The following METTL8 variants were observed in gnomAD, a reference collection of about 807,000 sequenced individuals.
METTL8 encodes the protein methyltransferase 8, tRNA N3-cytidine.
In METTL8, 32 loss-of-function variants were observed where a neutral mutation model predicts 48.7. The observed-to-expected ratio is 0.66, with a 90% CI of 0.50 to 0.88. The LOEUF (loss-of-function observed/expected upper bound fraction) is 0.88, where lower values mean the gene tolerates loss of function less well. METTL8 is among the 40% of genes least tolerant of loss of function. The pLI is 0.00. For missense variants in METTL8, 464 were observed against 474.4 expected (o/e 0.98, Z 0.20); for synonymous variants, 136 against 157.1 (o/e 0.87, Z 1.01).
intron 3 of METTL8, among the ~76,000 whole-genome samples, chr2:171,348,356 C>T (rs1236538018): frequency 2.0e-5 from 3 of 152,154 alleles, no homozygotes; most frequent in Non-Finnish European, 2.9e-5. Flanking sequence ...AACACTGTGA[C>T]TATAGCTCAA....
At chr2:171,335,535 C>T (rs1685995362) in intron 5 of METTL8, among the ~76,000 whole-genome samples, 1 of 152,122 alleles carries the variant, frequency 6.6e-6, no homozygotes, top group African/African-American at 2.4e-5. Context: ...AGCAATTCTC[C>T]TGCCTCAGCC....
At chr2:171,358,604 C>G (rs1684833276) in intron 3 of METTL8, among the ~76,000 whole-genome samples, 1 of 152,076 alleles carries the variant, frequency 6.6e-6, no homozygotes, top group Non-Finnish European at 1.5e-5. Context: ...AACTGGAAAA[C>G]TGTAAGCAGA....
chr2:171,400,701 T>G (rs1689555104), intron 1 of METTL8, among the ~76,000 whole-genome samples: 1 of 152,174 alleles, frequency 6.6e-6, no homozygotes, highest in Non-Finnish European at 1.5e-5. Flanking sequence ...TTTTCACCGG[T>G]TTGCTTCTGC....
rs539070456 is a variant in METTL8, at chr2:171,342,632, CT to C, written c.236-3079del. Among the ~76,000 whole-genome samples the C allele has an allele frequency of 3.2e-3, 487 of 151,896 alleles. 1 individual carries two copies. Among genetic ancestry groups the C allele is most frequent in the Non-Finnish European group, 5.2e-3 (353 of 67,956 alleles). ...CTTTACCTTAAAAAAAAAAAACTCT[CT>C]TTGTAACTCATTCCATGCAGGTAAA... On this transcript the variant is annotated intron_variant, in intron 3 of 9. Coordinates refer to ENST00000375258, the MANE Select transcript of METTL8 (RefSeq NM_001321154.2).
At chr2:171,337,067 A>G (rs1401207513) in intron 5 of METTL8, among the ~76,000 whole-genome samples, 1 of 151,884 alleles carries the variant, frequency 6.6e-6, no homozygotes, top group Non-Finnish European at 1.5e-5. Flanking sequence ...GTGTTTCACC[A>G]TGTTGGTCAG....
chr2:171,404,110 A>T, intron 1 of METTL8, among the ~76,000 whole-genome samples: 1 of 115,786 alleles, frequency 8.6e-6, no homozygotes, highest in Non-Finnish European at 1.8e-5. Context: ...TGATAGTTTA[A>T]CTTACAAATT....
intron 2 of METTL8, among the ~76,000 whole-genome samples, chr2:171,369,958 C>T (rs551925488): frequency 4.0e-5 from 6 of 151,618 alleles, no homozygotes; most frequent in African/African-American, 1.2e-4. Context: ...CCCAGCTACT[C>T]GGAAGGCTGA....
intron 7 of METTL8, 157 bp from the exon 8 acceptor site, chr2:171,326,305 A>G (rs1284880578): frequency 3.6e-6 from 2 of 550,980 alleles, no homozygotes; most frequent in Non-Finnish European, 6.4e-6. Flanking sequence ...ATATTTTGTA[A>G]AGAAGAAAAA....
intron 3 of METTL8, among the ~76,000 whole-genome samples, chr2:171,353,966 G>C: frequency 6.6e-6 from 1 of 152,116 alleles, no homozygotes; most frequent in Non-Finnish European, 1.5e-5. Context: ...TACATTTAAG[G>C]TTAATATTGT....
At chr2:171,387,363 C>T (rs1008215003) in intron 2 of METTL8, among the ~76,000 whole-genome samples, 5 of 151,886 alleles carry the variant, frequency 3.3e-5, no homozygotes, top group Non-Finnish European at 7.4e-5. Flanking sequence ...GCACATCCAG[C>T]GAGGGGGACA....
intron 1 of METTL8, among the ~76,000 whole-genome samples, chr2:171,422,029 A>T (rs950844646): frequency 1.3e-5 from 2 of 152,230 alleles, no homozygotes; most frequent in Non-Finnish European, 2.9e-5. Context: ...AAAAGAAATA[A>T]GACACTCCTA....
rs1479242268 is a variant in METTL8 at position 171,321,925 on chromosome 2, C to G, written c.*2247G>C. On this transcript the variant is annotated 3_prime_UTR_variant, in exon 10 of 10. Transcript: ENST00000375258. ...ATTTCTACAAAATGTGATTTGCAAG[C>G]CAACTTATGTCCTTTTTGAAGCAAG... 6.6e-6 allele frequency: 1 copy of G among 151,928 alleles called. No individual in the cohort carries two copies. Among genetic ancestry groups the G allele is most frequent in the African/African-American group, 2.4e-5 (1 of 41,350 alleles). 9.4% of individuals were successfully genotyped at this position (151,928 alleles called of 1,614,324 possible). A position where few individuals can be genotyped will look rare whatever the true frequency, so the allele number is the denominator to read the frequency against.
At chr2:171,434,280 C>G, upstream of METTL8, 6 of 554,510 alleles carry the variant, frequency 1.1e-5, no homozygotes, top group South Asian at 9.2e-5. Context: ...GGTGAGAGAG[C>G]GGCTCCGGCC....
intron 2 of METTL8, among the ~76,000 whole-genome samples, chr2:171,381,178 G>C (rs1687496533): frequency 6.6e-6 from 1 of 152,148 alleles, no homozygotes; most frequent in Admixed American, 6.5e-5. Context: ...CTATATAAAT[G>C]GTGCTGGGAA....
intron 1 of METTL8, among the ~76,000 whole-genome samples, chr2:171,403,084 G>C (rs1382057260): frequency 6.6e-6 from 1 of 152,150 alleles, no homozygotes; most frequent in Non-Finnish European, 1.5e-5. Context: ...AATAATTTAT[G>C]TAAATAAATA....
chr2:171,373,162 T>A (rs1253471846), intron 2 of METTL8, among the ~76,000 whole-genome samples: 1 of 152,236 alleles, frequency 6.6e-6, no homozygotes, highest in Non-Finnish European at 1.5e-5. Flanking sequence ...CCTGACTTTT[T>A]AATGATCACC....
intron 2 of METTL8, among the ~76,000 whole-genome samples, chr2:171,383,366 C>T (rs573861792): frequency 2.6e-5 from 4 of 152,142 alleles, no homozygotes; most frequent in East Asian, 1.9e-4. Context: ...AGGTCATAAA[C>T]CTTGGTGAGT....
At chr2:171,330,430 G>T in intron 7 of METTL8, 129 bp downstream of exon 7, 1 of 813,124 alleles carries the variant, frequency 1.2e-6, no homozygotes, top group Non-Finnish European at 1.9e-6. Flanking sequence ...TTAAAAGGCT[G>T]TGTATTATAC....
intron 4 of METTL8, 88 bp from the exon 5 acceptor site, chr2:171,337,590 A>G (rs1686255281): frequency 4.2e-6 from 4 of 941,270 alleles, no homozygotes; most frequent in Admixed American, 5.0e-5. Context: ...GAAAAAAACA[A>G]TTAGACTTAC....
Sources: allele counts gnomAD v4.1 joint callset (sites outside exome capture counted in the v4.1 genomes callset), GRCh38; gene constraint gnomAD v4.1.1; transcripts MANE v1.5; gene names NCBI Gene and HGNC (gene_info 2026-07-23, HGNC 2026-07-21).